Variants in CACNA1C observed in about 807,000 individuals in gnomAD.
CACNA1C encodes voltage-dependent L-type calcium channel subunit alpha-1C.
Under a neutral mutation model 229.0 loss-of-function variants are expected in CACNA1C, and 30 were observed. The observed-to-expected ratio is 0.13, with a 90% CI of 0.10 to 0.18. CACNA1C has a LOEUF of 0.18. CACNA1C is among the 10% of genes least tolerant of loss of function. The pLI is 1.00. For missense variants in CACNA1C, 1,658 were observed against 2,845.0 expected (o/e 0.58, Z 9.49); for synonymous variants, 1,114 against 1,132.5 (o/e 0.98, Z 0.33).
chr12:2,224,205 C>T (rs895597570), intron 3 of CACNA1C, among the ~76,000 whole-genome samples: 6 of 152,174 alleles, frequency 3.9e-5, no homozygotes, highest in African/African-American at 1.4e-4. Context: ...ATGATATCAA[C>T]AACTGGGAGC....
At position 2,597,828 on chromosome 12, in the gene CACNA1C, A is replaced by G. The variant is rs531540388; in HGVS notation, c.2853+539A>G. 3.3e-5 allele frequency among the ~76,000 whole-genome samples: 5 copies of G among 152,244 alleles called. No homozygotes were observed. Among genetic ancestry groups the G allele is most frequent in the African/African-American group, 1.2e-4 (5 of 41,538 alleles). ...AGCAGCGCCAGACATACATGCCCAC[A>G]TGCACCAGCTCCGGTTAACTGATAC... On this transcript the variant is annotated intron_variant, in intron 21 of 46. Transcript: ENST00000399655. This position sits in a 1 kb window ranked among gnomAD's most constrained non-coding sequence, Gnocchi z 4.3.
Position 2,679,540 on chromosome 12 carries a change from A to G in CACNA1C, c.5188A>G (p.Ile1730Val), listed in dbSNP as rs758654112. 6 of 1,613,132 alleles carry G rather than the reference A, an allele frequency of 3.7e-6. No homozygotes were observed. Among genetic ancestry groups the G allele is most frequent in the Non-Finnish European group, 4.2e-6 (5 of 1,179,576 alleles). Reference protein sequence around the residue: ...QTFTTQRPLHINKAGSSQGDT... With the variant: ...QTFTTQRPLHVNKAGSSQGDT... ...CTTCACCACTCAGCGCCCGCTGCAC[A>G]TCAACAAGGCGGGCAGCAGCCAGGG... is the stretch of plus-strand genomic sequence containing the variant. The change falls in exon 42 of 47, where the codon ATC (isoleucine) becomes GTC (valine). Residue 1730 changes from isoleucine (I) to valine (V), a missense_variant. This residue lies in a region of CACNA1C where 590 missense variants were observed against 700.8 expected (regional missense o/e 0.84). Coordinates refer to ENST00000399655, the MANE Select transcript of CACNA1C (RefSeq NM_000719.7). The surrounding 1 kb of genome is among the most constrained non-coding windows in gnomAD (Gnocchi z 5.5).
At chr12:2,552,009 A>T (rs555333471) in intron 10 of CACNA1C, among the ~76,000 whole-genome samples, 1 of 152,266 alleles carries the variant, frequency 6.6e-6, no homozygotes, top group Admixed American at 6.5e-5. Context: ...AGGTGATAGG[A>T]CGGGTTGTTC....
intron 3 of CACNA1C, chr12:2,288,025 T>C (rs2154447073): frequency 6.6e-6 from 1 of 152,062 alleles, no homozygotes; most frequent in Non-Finnish European, 1.5e-5. Context: ...TCAGACTGTG[T>C]GCTAGGCACT....
chr12:2,495,580 A>T (rs1489395140), intron 7 of CACNA1C, among the ~76,000 whole-genome samples: 1 of 152,218 alleles, frequency 6.6e-6, no homozygotes, highest in Non-Finnish European at 1.5e-5. Context: ...TACTGTCATA[A>T]TGACAGCCGG....
At position 2,564,157 on chromosome 12, in the gene CACNA1C, G is replaced by A. The variant is rs533458741; in HGVS notation, c.1509-2265G>A. ...TGCCACACACAGACACACACACACC[G>A]GAAACAAAGTTTTATGTAAAAATAT... is the stretch of plus-strand genomic sequence containing the variant. On this transcript the variant is annotated intron_variant, in intron 11 of 46. Coordinates refer to ENST00000399655, the MANE Select transcript of CACNA1C (RefSeq NM_000719.7). Among the ~76,000 whole-genome samples, 6 of 152,154 alleles carry A rather than the reference G, an allele frequency of 3.9e-5. No homozygotes were observed. The South Asian group carries it at 8.3e-4, about 21-fold the overall frequency.
At position 2,159,181 on chromosome 12, in the gene CACNA1C, G is replaced by A. The variant is rs558373667; in HGVS notation, c.477+38751G>A. 4.6e-5 allele frequency among the ~76,000 whole-genome samples: 7 copies of A among 152,184 alleles called. No individual in the cohort carries two copies. The East Asian group carries it at 5.8e-4, about 13-fold the overall frequency. ...TTTTTTTTCTTCAATGAACCTTTTA[G>A]AACAAATTGACTCTTTAAATTATGT... On this transcript the variant is annotated intron_variant, in intron 3 of 46. Coordinates refer to ENST00000399655, the MANE Select transcript of CACNA1C (RefSeq NM_000719.7).
In CACNA1C at chr12:2,275,264, C is replaced by A. The variant is rs2087232760; in HGVS notation, c.477+154834C>A. On this transcript the variant is annotated intron_variant, in intron 3 of 46. Coordinates refer to ENST00000399655, the MANE Select transcript of CACNA1C (RefSeq NM_000719.7). This position sits in a 1 kb window ranked among gnomAD's most constrained non-coding sequence, Gnocchi z 4.1. Reference sequence around the variant, plus strand: ...AAACGTGATCTTTCTTTCCTTTGCCCAATACATGTCAGGCTCTGTGTGGCA... The same window carrying A: ...AAACGTGATCTTTCTTTCCTTTGCCAAATACATGTCAGGCTCTGTGTGGCA... Among the ~76,000 whole-genome samples, 1 of 152,116 alleles carries A rather than the reference C, an allele frequency of 6.6e-6. No homozygotes were observed. The highest frequency in any genetic ancestry group is 2.4e-5 in the African/African-American group (1 of 41,398).
At chr12:2,426,323 T>C (rs2099031758) in intron 3 of CACNA1C, among the ~76,000 whole-genome samples, 2 of 152,076 alleles carry the variant, frequency 1.3e-5, no homozygotes, top group Non-Finnish European at 2.9e-5. Context: ...TTGACAACAG[T>C]GTGTGAGAGA....
At chr12:2,336,466 A>T (rs1392066652) in intron 3 of CACNA1C, among the ~76,000 whole-genome samples, 1 of 152,134 alleles carries the variant, frequency 6.6e-6, no homozygotes, top group African/African-American at 2.4e-5. Context: ...TGGTATTGTG[A>T]ATCTGAGATT....
intron 1 of CACNA1C, among the ~76,000 whole-genome samples, chr12:2,061,618 C>A (rs1369274470): frequency 6.6e-6 from 1 of 152,054 alleles, no homozygotes; most frequent in Non-Finnish European, 1.5e-5. Flanking sequence ...TGGCAGCTGT[C>A]CACCTGCCAT....
intron 3 of CACNA1C, among the ~76,000 whole-genome samples, chr12:2,205,852 G>A (rs971571246): frequency 5.9e-5 from 9 of 152,160 alleles, no homozygotes; most frequent in Non-Finnish European, 5.9e-5. Context: ...TTCCTGGCTC[G>A]TGGACATTTG....
chr12:2,265,253 A>G (rs1310696678), intron 3 of CACNA1C, among the ~76,000 whole-genome samples: 1 of 152,188 alleles, frequency 6.6e-6, no homozygotes, highest in Non-Finnish European at 1.5e-5. Context: ...ATCTAGGTGA[A>G]GCACTCCCGA....
At chr12:2,584,995 A>G (rs1391446103) in intron 16 of CACNA1C, among the ~76,000 whole-genome samples, 5 of 152,280 alleles carry the variant, frequency 3.3e-5, no homozygotes, top group African/African-American at 9.6e-5. Flanking sequence ...CAGTGTTAGG[A>G]AGGCAAGACG....
At chr12:2,270,596 A>G (rs944773422) in intron 3 of CACNA1C, among the ~76,000 whole-genome samples, 1 of 152,190 alleles carries the variant, frequency 6.6e-6, no homozygotes, top group Non-Finnish European at 1.5e-5. Context: ...CCTCTACGGT[A>G]TAGAGAGCCC....
chr12:2,631,378 C>G (rs1330783622), intron 29 of CACNA1C, among the ~76,000 whole-genome samples: 2 of 152,198 alleles, frequency 1.3e-5, no homozygotes, highest in East Asian at 1.9e-4. Context: ...CCCTTCTCTT[C>G]CTTGACTTCC....
chr12:2,215,180 A>T lies in CACNA1C; in HGVS notation c.477+94750A>T, dbSNP rs2059677221. ...GTCACTGAGACATCAGAGACATGTC[A>T]ATCTGAGTCCCTTTGCTTGGATTTA... On this transcript the variant is annotated intron_variant, in intron 3 of 46. Transcript: ENST00000399655. This position sits in a 1 kb window ranked among gnomAD's most constrained non-coding sequence, Gnocchi z 5.0. Among the ~76,000 whole-genome samples, 1 of 152,172 alleles carries T rather than the reference A, an allele frequency of 6.6e-6. No individual in the cohort carries two copies. Among genetic ancestry groups the T allele is most frequent in the Admixed American group, 6.5e-5 (1 of 15,284 alleles).
At chr12:2,402,288 G>A (rs143912546) in intron 3 of CACNA1C, among the ~76,000 whole-genome samples, 26 of 152,390 alleles carry the variant, frequency 1.7e-4, no homozygotes, top group Admixed American at 3.9e-4. Context: ...CTTTGAGAAA[G>A]ATAATGAAAT....
intron 3 of CACNA1C, among the ~76,000 whole-genome samples, chr12:2,310,105 A>G (rs560360395): frequency 6.6e-6 from 1 of 152,290 alleles, no homozygotes; most frequent in East Asian, 1.9e-4. Flanking sequence ...GAAGCGGAAC[A>G]CTTGCCATAC....
Sources: allele counts gnomAD v4.1 joint callset (sites outside exome capture counted in the v4.1 genomes callset), GRCh38; gene constraint gnomAD v4.1.1; regional missense constraint gnomAD v4.1.1; non-coding constraint Gnocchi (gnomAD v3.1); transcripts MANE v1.5; gene names NCBI Gene and HGNC (gene_info 2026-07-23, HGNC 2026-07-21).